PCDH15: variants seen among roughly 807,000 people sequenced by gnomAD.
PCDH15 encodes protocadherin-15.
PCDH15 carries 129 observed loss-of-function variants against 178.5 expected under a neutral mutation model. The ratio of observed to expected loss-of-function variants is 0.72; its 90% confidence interval spans 0.63 to 0.84. The LOEUF is 0.84. PCDH15 is among the 40% of genes least tolerant of loss of function. The probability of loss-of-function intolerance (pLI) is 0.00; values close to 1 mark genes in which losing one functional copy is unlikely to be tolerated. For missense variants in PCDH15, 2,230 were observed against 2,099.9 expected (o/e 1.06, Z -1.21); for synonymous variants, 800 against 732.0 (o/e 1.09, Z -1.50).
chr10:55,176,695 C>T (rs1192149611), intron 1 of PCDH15, among the ~76,000 whole-genome samples: 2 of 152,128 alleles, frequency 1.3e-5, no homozygotes, highest in East Asian at 3.9e-4. Context: ...GGTTCTAATT[C>T]ATCTTGTGGT....
At position 55,269,507 on chromosome 10, in the gene PCDH15, A is replaced by G. The variant is rs79973526; in HGVS notation, c.-156+50092T>C. Among the ~76,000 whole-genome samples the G allele has an allele frequency of 1.3e-3, 194 of 152,300 alleles. 1 individual carries two copies. Among genetic ancestry groups the G allele is most frequent in the African/African-American group, 4.4e-3 (185 of 41,578 alleles). On this transcript the variant is annotated intron_variant, in intron 1 of 5. Coordinates refer to the PCDH15 transcript ENST00000458638. ...CAATAATGTTCAGGCTGAGAGGCAA[A>G]TCAAGAACATGATCCCATTTACAAT...
chr10:54,785,926 G>T (rs777659416), intron 1 of PCDH15, among the ~76,000 whole-genome samples: 10 of 151,886 alleles, frequency 6.6e-5, no homozygotes, highest in Non-Finnish European at 1.3e-4. Context: ...GTTGTTAAAG[G>T]TTTCCTTTCT....
At chr10:54,051,780 C>T (rs1225338228) in intron 18 of PCDH15, among the ~76,000 whole-genome samples, 1 of 152,118 alleles carries the variant, frequency 6.6e-6, no homozygotes, top group Non-Finnish European at 1.5e-5. Context: ...TATCAGAGAC[C>T]TGCACAGCAT....
intron 1 of PCDH15, among the ~76,000 whole-genome samples, chr10:55,245,820 GA>G (rs1418869070): frequency 6.6e-6 from 1 of 152,168 alleles, no homozygotes; most frequent in East Asian, 1.9e-4. Context: ...ACGAATTTGT[GA>G]AGATTATTTT....
At chr10:54,484,473 T>C (rs2078953651) in intron 3 of PCDH15, among the ~76,000 whole-genome samples, 1 of 151,966 alleles carries the variant, frequency 6.6e-6, no homozygotes, top group African/African-American at 2.4e-5. Context: ...AAGAAAATAC[T>C]GTTCACATTA....
At chr10:55,026,025 A>C (rs1327027147) in intron 2 of PCDH15, among the ~76,000 whole-genome samples, 2 of 152,046 alleles carry the variant, frequency 1.3e-5, no homozygotes, top group Non-Finnish European at 2.9e-5. Context: ...GTTTTGACAA[A>C]AAATATTAAA....
chr10:55,273,143 A>C (rs1364057559), intron 1 of PCDH15, among the ~76,000 whole-genome samples: 1 of 152,142 alleles, frequency 6.6e-6, no homozygotes, highest in Non-Finnish European at 1.5e-5. Flanking sequence ...ATGATGTGTA[A>C]GTTTATTTCA....
chr10:55,446,445 A>C (rs1839318815), intron 2 of PCDH15, among the ~76,000 whole-genome samples: 1 of 152,040 alleles, frequency 6.6e-6, no homozygotes, highest in Non-Finnish European at 1.5e-5. Flanking sequence ...AAGAAAATCT[A>C]TGTGAAAGGT....
intron 2 of PCDH15, among the ~76,000 whole-genome samples, chr10:54,965,095 T>A (rs1838749072): frequency 6.6e-6 from 1 of 152,216 alleles, no homozygotes. Flanking sequence ...AATCTAAGCA[T>A]AATCACTGTA....
At chr10:54,212,404 G>A (rs556234968) in intron 10 of PCDH15, among the ~76,000 whole-genome samples, 4 of 152,046 alleles carry the variant, frequency 2.6e-5, no homozygotes, top group South Asian at 2.1e-4. Flanking sequence ...GTGGTCTGAC[G>A]CTATACCTCA....
At chr10:54,321,463 A>C (rs933857520) in intron 7 of PCDH15, among the ~76,000 whole-genome samples, 4 of 151,606 alleles carry the variant, frequency 2.6e-5, no homozygotes, top group Admixed American at 2.0e-4. Context: ...TAGCATGCAG[A>C]TATAAACACA....
chr10:55,551,538 C>T (rs1589132843), intron 2 of PCDH15, among the ~76,000 whole-genome samples: 1 of 151,634 alleles, frequency 6.6e-6, no homozygotes, highest in Non-Finnish European at 1.5e-5. Context: ...CATTTGAAAT[C>T]AGCTTGTCAA....
intron 14 of PCDH15, among the ~76,000 whole-genome samples, chr10:54,151,495 G>A (rs1309575278): frequency 6.6e-6 from 1 of 152,090 alleles, no homozygotes; most frequent in African/African-American, 2.4e-5. Context: ...AGCCGGGATT[G>A]TGCCGCTACA....
intron 2 of PCDH15, among the ~76,000 whole-genome samples, chr10:54,590,789 C>T (rs1362289352): frequency 6.6e-6 from 1 of 151,994 alleles, no homozygotes; most frequent in Non-Finnish European, 1.5e-5. Context: ...ATTTTGCACC[C>T]TCTAAATCCA....
intron 2 of PCDH15, among the ~76,000 whole-genome samples, chr10:55,419,270 A>G (rs935577801): frequency 6.6e-6 from 1 of 151,684 alleles, no homozygotes; most frequent in African/African-American, 2.4e-5. Context: ...ACAACAAATA[A>G]ATTTTCTATG....
chr10:54,452,762 G>A (rs1017803808), intron 3 of PCDH15, among the ~76,000 whole-genome samples: 3 of 152,044 alleles, frequency 2.0e-5, no homozygotes, highest in Admixed American at 6.6e-5. Flanking sequence ...TTCTTCATGA[G>A]TCCATCTCTT....
At chr10:54,991,111 T>C (rs1839487944) in intron 2 of PCDH15, among the ~76,000 whole-genome samples, 1 of 152,204 alleles carries the variant, frequency 6.6e-6, no homozygotes, top group Non-Finnish European at 1.5e-5. Context: ...TGGACATGAT[T>C]TTGAAAGATA....
chr10:54,264,916 T>C (rs973195089), intron 8 of PCDH15, among the ~76,000 whole-genome samples: 3 of 152,024 alleles, frequency 2.0e-5, no homozygotes, highest in African/African-American at 7.2e-5. Context: ...GAGAACCCCT[T>C]TTATATACTA....
intron 2 of PCDH15, among the ~76,000 whole-genome samples, chr10:55,062,825 G>A (rs987364615): frequency 3.3e-5 from 5 of 152,078 alleles, no homozygotes; most frequent in African/African-American, 1.2e-4. Context: ...TGGAGGTTGT[G>A]CATTTTTGGG....
Sources: gnomAD v4.1 joint callset for allele counts (sites outside exome capture counted in the v4.1 genomes callset) on GRCh38, gnomAD v4.1.1 for gene constraint, MANE v1.5 for transcripts, NCBI Gene and HGNC (gene_info 2026-07-23, HGNC 2026-07-21) for gene names.